Variants in INPP4B observed in about 807,000 individuals in gnomAD.
The protein encoded by INPP4B is inositol polyphosphate-4-phosphatase type II B, also known as inositol polyphosphate 4-phosphatase type II.
Under a neutral mutation model 122.5 loss-of-function variants are expected in INPP4B, and 55 were observed. The observed-to-expected ratio is 0.45, with a 90% CI of 0.36 to 0.56. INPP4B has a LOEUF of 0.56. Ranked by LOEUF, INPP4B falls within the 20% of genes least tolerant of loss-of-function variation. The probability of loss-of-function intolerance (pLI) is 0.00; values close to 1 mark genes in which losing one functional copy is unlikely to be tolerated. For synonymous variants in INPP4B, 403 were observed against 388.7 expected (o/e 1.04, Z -0.43); for missense variants, 1,000 against 1,097.7 (o/e 0.91, Z 1.26).
At chr4:142,741,970 G>A (rs1767964455) in intron 1 of INPP4B, among the ~76,000 whole-genome samples, 1 of 151,822 alleles carries the variant, frequency 6.6e-6, no homozygotes, top group Non-Finnish European at 1.5e-5. Context: ...AAATATTTGG[G>A]TTCAGGAAAC....
intron 2 of INPP4B, among the ~76,000 whole-genome samples, chr4:142,469,264 T>C (rs1012305060): frequency 1.3e-5 from 2 of 151,846 alleles, no homozygotes; most frequent in African/African-American, 4.8e-5. Context: ...AGAATGCAGC[T>C]CCCAATAGCA....
chr4:142,632,907 T>C (rs1183465534), intron 2 of INPP4B, among the ~76,000 whole-genome samples: 1 of 88,816 alleles, frequency 1.1e-5, no homozygotes, highest in Non-Finnish European at 2.6e-5. Flanking sequence ...CACAGAAGGA[T>C]GGTAGATTTG....
chr4:142,289,241 T>TAATTTAA (rs1265644279), intron 9 of INPP4B, among the ~76,000 whole-genome samples: 171 of 152,332 alleles, frequency 1.1e-3, no homozygotes, highest in African/African-American at 4.0e-3. Context: ...TTCTTGACTG[T>TAATTTAA]AATTTAAAAT....
At chr4:142,489,035 A>G (rs934630059) in intron 2 of INPP4B, among the ~76,000 whole-genome samples, 4 of 152,136 alleles carry the variant, frequency 2.6e-5, no homozygotes, top group African/African-American at 9.6e-5. Flanking sequence ...TTCTCCCCAC[A>G]AATTTTAATA....
rs1802143845 is a variant in INPP4B at position 142,403,005 on chromosome 4, T to A, written c.305A>T (p.Tyr102Phe). Residue 102 changes from tyrosine to phenylalanine, a missense_variant, in exon 7 of 26, where the codon TAT (tyrosine) becomes TTT (phenylalanine). By Grantham distance (22) the Tyr-to-Phe change is conservative (BLOSUM62 3). Coordinates refer to ENST00000262992, the MANE Select transcript of INPP4B (RefSeq NM_001101669.3). ...FLTGVTFPSE[Y>F]PIYEETKIKL... ...TATTTTGGTCTCCTCATAGATGGGA[T>A]ACTCAGATGGGAATGTGACACCAGT... 6.2e-7 allele frequency: 1 copy of A among 1,611,768 alleles called. No individual in the cohort carries two copies.
chr4:142,368,762 C>A (rs1788547983), intron 7 of INPP4B, among the ~76,000 whole-genome samples: 2 of 151,016 alleles, frequency 1.3e-5, no homozygotes. Flanking sequence ...AAATAATGGG[C>A]AGGTGAGTGT....
At chr4:142,119,398 A>G (rs968038342) in intron 21 of INPP4B, among the ~76,000 whole-genome samples, 21 of 152,136 alleles carry the variant, frequency 1.4e-4, no homozygotes, top group Non-Finnish European at 7.3e-5. Flanking sequence ...AACCAACCCA[A>G]ATGTCCATCA....
chr4:142,704,949 G>C (rs1051636877), intron 2 of INPP4B, among the ~76,000 whole-genome samples: 4 of 152,008 alleles, frequency 2.6e-5, no homozygotes, highest in African/African-American at 9.7e-5. Flanking sequence ...TTTGTCCCTT[G>C]ACTAACCACT....
At chr4:142,676,503 A>G (rs773387966) in intron 2 of INPP4B, among the ~76,000 whole-genome samples, 3 of 152,208 alleles carry the variant, frequency 2.0e-5, no homozygotes, top group Non-Finnish European at 4.4e-5. Flanking sequence ...TAAATTTCAT[A>G]TGGAACTGAA....
chr4:142,182,275 A>G (rs926378582), intron 15 of INPP4B, among the ~76,000 whole-genome samples: 4 of 152,254 alleles, frequency 2.6e-5, no homozygotes, highest in African/African-American at 4.8e-5. Context: ...TTGGCCGGGC[A>G]CGGTGGCTCA....
intron 24 of INPP4B, among the ~76,000 whole-genome samples, chr4:142,084,343 T>C (rs915147307): frequency 6.6e-6 from 1 of 152,018 alleles, no homozygotes; most frequent in Non-Finnish European, 1.5e-5. Flanking sequence ...ATGGTCTCCA[T>C]CACCTGACCT....
chr4:142,486,584 T>C (rs1821223174), intron 2 of INPP4B, among the ~76,000 whole-genome samples: 1 of 152,170 alleles, frequency 6.6e-6, no homozygotes, highest in Non-Finnish European at 1.5e-5. Flanking sequence ...TCTTAATGGT[T>C]TCTTTCAAAA....
chr4:142,838,058 G>T (rs1783028457), intron 1 of INPP4B, among the ~76,000 whole-genome samples: 1 of 149,454 alleles, frequency 6.7e-6, no homozygotes, highest in South Asian at 2.1e-4. Flanking sequence ...AGTATTTATT[G>T]CTGTGAACCA....
At chr4:142,431,144 C>A (rs747253361) in intron 4 of INPP4B, 25 bp downstream of exon 4, 3 of 1,570,918 alleles carry the variant, frequency 1.9e-6, no homozygotes, top group Non-Finnish European at 2.6e-6. Flanking sequence ...GATGCAAAAA[C>A]AGGGAGGGAT....
chr4:142,073,707 G>GA (rs1302820975), intron 25 of INPP4B, among the ~76,000 whole-genome samples: 5 of 152,026 alleles, frequency 3.3e-5, no homozygotes, highest in African/African-American at 9.7e-5. Flanking sequence ...GGTGTTTGTA[G>GA]AAAAAATCAT....
intron 11 of INPP4B, among the ~76,000 whole-genome samples, chr4:142,242,623 C>T (rs933978974): frequency 6.6e-6 from 1 of 152,172 alleles, no homozygotes; most frequent in Non-Finnish European, 1.5e-5. Context: ...TTGTTTCTTG[C>T]CAGTATGCCT....
chr4:142,724,406 C>G (rs1765082755), intron 2 of INPP4B, among the ~76,000 whole-genome samples: 2 of 152,186 alleles, frequency 1.3e-5, no homozygotes, highest in South Asian at 4.1e-4. Flanking sequence ...ATTTCTCTTT[C>G]TCTCTTTACT....
At chr4:142,356,078 C>T (rs1783509460) in intron 7 of INPP4B, among the ~76,000 whole-genome samples, 1 of 151,244 alleles carries the variant, frequency 6.6e-6, no homozygotes, top group South Asian at 2.1e-4. Flanking sequence ...TAGGATGACA[C>T]AATTGGTTTA....
chr4:142,477,708 G>C (rs1819972268), intron 2 of INPP4B, among the ~76,000 whole-genome samples: 1 of 152,100 alleles, frequency 6.6e-6, no homozygotes, highest in Non-Finnish European at 1.5e-5. Context: ...GAAACATACA[G>C]CTTCCAAGAT....
Sources: gnomAD v4.1 joint callset for allele counts (sites outside exome capture counted in the v4.1 genomes callset) on GRCh38, gnomAD v4.1.1 for gene constraint, MANE v1.5 for transcripts, NCBI Gene and HGNC (gene_info 2026-07-23, HGNC 2026-07-21) for gene names.